DIPK2A: variants seen among roughly 807,000 people sequenced by gnomAD.
DIPK2A encodes the protein divergent protein kinase domain 2A.
In DIPK2A, 27 loss-of-function variants were observed where a neutral mutation model predicts 39.0. That is an observed-to-expected ratio of 0.69 (90% confidence interval 0.51 to 0.96). The LOEUF (loss-of-function observed/expected upper bound fraction) is 0.96, where lower values mean the gene tolerates loss of function less well. Among genes scored for constraint, DIPK2A ranks in the 40% least tolerant of loss-of-function variants. The pLI is 0.00. For synonymous variants in DIPK2A, 298 were observed against 240.8 expected (o/e 1.24, Z -2.20); for missense variants, 528 against 571.3 (o/e 0.92, Z 0.77).
At chr3:143,982,242 G>A (rs2087836918) in intron 1 of DIPK2A, among the ~76,000 whole-genome samples, 1 of 152,114 alleles carries the variant, frequency 6.6e-6, no homozygotes, top group Non-Finnish European at 1.5e-5. Context: ...TAATTTAGTG[G>A]TTCTTCACTC....
chr3:143,982,304 G>T (rs2087837795), intron 1 of DIPK2A, among the ~76,000 whole-genome samples: 1 of 152,116 alleles, frequency 6.6e-6, no homozygotes, highest in African/African-American at 2.4e-5. Flanking sequence ...AGGTGTTTAG[G>T]AGGTGCATGA....
Position 143,972,307 on chromosome 3 carries a change from C to T in DIPK2A, c.-26C>T, listed in dbSNP as rs2087661505. 4.5e-6 allele frequency: 6 copies of T among 1,346,060 alleles called. No individual in the cohort carries two copies. In the African/African-American group the frequency reaches 6.2e-5, roughly 14 times the overall value. 83.4% of individuals were successfully genotyped at this position (1,346,060 alleles called of 1,614,324 possible). A position where few individuals can be genotyped will look rare whatever the true frequency, so the allele number is the denominator to read the frequency against. ...GGGGGCGCCCCGGGGGTGCCCTCGC[C>T]CTCCCGTTGCGGGCGGGCGGGCGGT... On this transcript the variant is annotated 5_prime_UTR_variant, in exon 1 of 3. Coordinates refer to ENST00000315691, the MANE Select transcript of DIPK2A (RefSeq NM_173552.5).
At position 143,972,762 on chromosome 3, in the gene DIPK2A, A is replaced by G; in HGVS notation, c.430A>G (p.Thr144Ala). The change falls in exon 1 of 3, where the codon ACC (threonine) becomes GCC (alanine). Residue 144 changes from threonine to alanine, a missense_variant. Thr to Ala is a moderately conservative substitution (Grantham distance 58). This residue lies in a region of DIPK2A where 309 missense variants were observed against 289.8 expected (regional missense o/e 1.07). Coordinates refer to ENST00000315691, the MANE Select transcript of DIPK2A (RefSeq NM_173552.5). ...CGACCTGCTGCAGGCCATGCCCCGG[A>G]CCGAGTTCGCGCGCCTCAACGGCGA... ...RCDLLQAMPR[T>A]EFARLNGDVR... The G allele has an allele frequency of 6.4e-7, 1 of 1,574,786 alleles. No homozygotes were observed. The highest frequency in any genetic ancestry group is 8.6e-7 in the Non-Finnish European group (1 of 1,164,272).
chr3:143,979,025 CT>C lies in DIPK2A; in HGVS notation c.657+6041del, dbSNP rs1447755728. Among the ~76,000 whole-genome samples, 5 of 151,912 alleles carry C rather than the reference CT, an allele frequency of 3.3e-5. No homozygotes were observed. In the East Asian group the frequency reaches 9.6e-4, roughly 29 times the overall value. ...CTGTTAAATGTTTTCAGTTGTAAAG[CT>C]TTTTACAGTGTATTATTTCTTTGAA... On this transcript the variant is annotated intron_variant, in intron 1 of 2. Coordinates refer to ENST00000315691, the MANE Select transcript of DIPK2A (RefSeq NM_173552.5).
chr3:143,973,739 C>T, intron 1 of DIPK2A: 1 of 610,978 alleles, frequency 1.6e-6, no homozygotes, highest in Admixed American at 2.9e-5. Flanking sequence ...AATATTAGGC[C>T]AGGGCGAGTA....
At chr3:143,988,944 G>A (rs1293725896) in intron 2 of DIPK2A, among the ~76,000 whole-genome samples, 2 of 152,058 alleles carry the variant, frequency 1.3e-5, no homozygotes, top group Non-Finnish European at 2.9e-5. Flanking sequence ...AATTATGGTC[G>A]TGATTACACA....
rs748884603 is a variant in DIPK2A at position 143,972,574 on chromosome 3, G to A, written c.242G>A (p.Arg81His). 6.2e-6 allele frequency: 10 copies of A among 1,612,092 alleles called. No individual in the cohort carries two copies. The highest frequency in any genetic ancestry group is 1.3e-5 in the African/African-American group (1 of 74,860). ...QVVFEAWGRLRLLDFLNVKNV... is the reference protein window; with the variant it reads ...QVVFEAWGRLHLLDFLNVKNV... ...GTATTCGAGGCGTGGGGCCGCTTGC[G>A]CCTGCTGGACTTCCTCAACGTGAAG... The change falls in exon 1 of 3, where the codon CGC (arginine) becomes CAC (histidine). Residue 81 changes from arginine (R) to histidine (H), a missense_variant. Transcript: ENST00000315691.
chr3:143,988,768 G>A (rs2087942324), intron 2 of DIPK2A, among the ~76,000 whole-genome samples: 1 of 151,912 alleles, frequency 6.6e-6, no homozygotes, highest in African/African-American at 2.4e-5. Flanking sequence ...TATGGCAATT[G>A]TACATACCTT....
rs1380834505 is a variant in DIPK2A, at chr3:143,972,269, G to A, written c.-64G>A. The A allele has an allele frequency of 4.5e-6, 6 of 1,327,564 alleles. No homozygotes were observed. The highest frequency in any genetic ancestry group is 3.0e-5 in the East Asian group (1 of 33,430). 82.2% of individuals were successfully genotyped at this position (1,327,564 alleles called of 1,614,324 possible). ...GGGGTTCCTGCCGGTAGCTCTCCGG[G>A]TCTTGGCGCGGCGGGGGCGCCCCGG... On this transcript the variant is annotated 5_prime_UTR_variant, in exon 1 of 3. Coordinates refer to ENST00000315691, the MANE Select transcript of DIPK2A (RefSeq NM_173552.5).
Position 143,981,354 on chromosome 3 carries a change from G to T in DIPK2A, c.658-4189G>T, listed in dbSNP as rs561754459. On this transcript the variant is annotated intron_variant, in intron 1 of 2. Transcript: ENST00000315691. ...ATTCTATAAGTCCCAACATGATCTG[G>T]TCCTTGCTTCACTCTCCAGATTCCC... Among the ~76,000 whole-genome samples the T allele has an allele frequency of 2.6e-4, 39 of 152,088 alleles. 1 individual carries two copies. Among genetic ancestry groups the T allele is most frequent in the Non-Finnish European group, 5.4e-4 (37 of 68,018 alleles).
chr3:143,986,042 G>T (rs1037584766), intron 2 of DIPK2A, 196 bp downstream of exon 2: 1 of 557,062 alleles, frequency 1.8e-6, no homozygotes. Flanking sequence ...TGATAAACCC[G>T]GTGTCAGTTG....
At chr3:143,975,054 T>C (rs2087709918) in intron 1 of DIPK2A, among the ~76,000 whole-genome samples, 1 of 152,154 alleles carries the variant, frequency 6.6e-6, no homozygotes, top group Non-Finnish European at 1.5e-5. Flanking sequence ...TATTTTCTTA[T>C]ATATGACACA....
intron 1 of DIPK2A, chr3:143,978,596 ATCTATCTATATATATATATCTATATC>A: frequency 2.6e-5 from 2 of 76,074 alleles, no homozygotes; most frequent in African/African-American, 1.4e-4. Context: ...ATATCTATCT[ATCTATCTATATATATATATCTATATC>A]TATATATATA....
At position 143,985,767 on chromosome 3, in the gene DIPK2A, A is replaced by G. The variant is rs767677671; in HGVS notation, c.882A>G (p.Ala294=). 2.5e-6 allele frequency: 4 copies of G among 1,614,068 alleles called. No individual in the cohort carries two copies. The African/African-American group carries it at 4.0e-5, about 16-fold the overall frequency. Reference sequence around the variant, plus strand: ...TGGACGTCAGCTTTGACAATTTTGCAGTTGGTCCTAGAGATGGGAAGGTAA... The same window carrying G: ...TGGACGTCAGCTTTGACAATTTTGCGGTTGGTCCTAGAGATGGGAAGGTAA... The part of the protein sequence containing the change: ...YLLDVSFDNF[A]VGPRDGKVII... Residue 294 remains alanine, a synonymous_variant, in exon 2 of 3, where the codon GCA becomes GCG. Coordinates refer to ENST00000315691, the MANE Select transcript of DIPK2A (RefSeq NM_173552.5).
At position 143,989,912 on chromosome 3, in the gene DIPK2A, C is replaced by T; in HGVS notation, c.*71C>T. The stretch of plus-strand genomic sequence containing the variant: ...TAAAACTAAACCACCAAAAAACGAT[C>T]TGAAAAAATGAAATTTGGAAGTGTT... On this transcript the variant is annotated 3_prime_UTR_variant, in exon 3 of 3. Coordinates refer to ENST00000315691, the MANE Select transcript of DIPK2A (RefSeq NM_173552.5). The T allele has an allele frequency of 5.7e-6, 7 of 1,223,232 alleles. No individual in the cohort carries two copies. Among genetic ancestry groups the T allele is most frequent in the African/African-American group, 4.5e-5 (3 of 66,212 alleles). 75.8% of individuals were successfully genotyped at this position (1,223,232 alleles called of 1,614,324 possible). A position where few individuals can be genotyped will look rare whatever the true frequency, so the allele number is the denominator to read the frequency against.
At chr3:143,976,003 G>GA (rs780336701) in intron 1 of DIPK2A, among the ~76,000 whole-genome samples, 3 of 151,994 alleles carry the variant, frequency 2.0e-5, no homozygotes, top group Admixed American at 1.3e-4. Flanking sequence ...CTTCTGATTT[G>GA]AAAAAACAGT....
rs2087991465 is a variant in DIPK2A at position 143,991,663 on chromosome 3, A to G, written c.*1822A>G. On this transcript the variant is annotated 3_prime_UTR_variant, in exon 3 of 3. Transcript: ENST00000315691. ...GCGTATATCAACTGGCCCTCAATGA[A>G]GCATTTAAGTGCTTGGAATTTTACT... 2 of 152,626 alleles carry G rather than the reference A, an allele frequency of 1.3e-5. No individual in the cohort carries two copies. The highest frequency in any genetic ancestry group is 1.3e-4 in the Admixed American group (2 of 15,286). 9.5% of individuals were successfully genotyped at this position (152,626 alleles called of 1,614,324 possible). A position where few individuals can be genotyped will look rare whatever the true frequency, so the allele number is the denominator to read the frequency against.
At position 143,990,433 on chromosome 3, in the gene DIPK2A, T is replaced by G. The variant is rs1177773947; in HGVS notation, c.*592T>G. 2.0e-5 allele frequency: 3 copies of G among 152,058 alleles called. No homozygotes were observed. Among genetic ancestry groups the G allele is most frequent in the Non-Finnish European group, 2.9e-5 (2 of 67,924 alleles). 9.4% of individuals were successfully genotyped at this position (152,058 alleles called of 1,614,324 possible). A position where few individuals can be genotyped will look rare whatever the true frequency, so the allele number is the denominator to read the frequency against. On this transcript the variant is annotated 3_prime_UTR_variant, in exon 3 of 3. Transcript: ENST00000315691. ...GATTCCCAGGTTTACTGTGTTTTTT[T>G]TTTTTTTTTTTAAAGAAAGCTAAAT...
chr3:143,973,451 T>A, intron 1 of DIPK2A: 1 of 1,551,386 alleles, frequency 6.4e-7, no homozygotes, highest in Non-Finnish European at 8.7e-7. Context: ...GTGGCTGGCC[T>A]AACTTCGGTC....
Sources: allele counts gnomAD v4.1 joint callset (sites outside exome capture counted in the v4.1 genomes callset), GRCh38; gene constraint gnomAD v4.1.1; regional missense constraint gnomAD v4.1.1; transcripts MANE v1.5; gene names NCBI Gene and HGNC (gene_info 2026-07-23, HGNC 2026-07-21).